FGF2: variants seen among roughly 807,000 people sequenced by gnomAD.
The protein encoded by FGF2 is basic fibroblast growth factor bFGF.
Under a neutral mutation model 15.9 loss-of-function variants are expected in FGF2, and 13 were observed. The ratio of observed to expected loss-of-function variants is 0.82; its 90% CI spans 0.53 to 1.30. The LOEUF is 1.30. FGF2 is among the 50% of genes most tolerant of loss of function. FGF2 has a pLI of 0.00. For missense variants in FGF2, 163 were observed against 196.9 expected (o/e 0.83, Z 1.03); for synonymous variants, 90 against 78.4 (o/e 1.15, Z -0.78).
chr4:122,835,633 C>G (rs903177351), intron 1 of FGF2, among the ~76,000 whole-genome samples: 2 of 152,118 alleles, frequency 1.3e-5, no homozygotes, highest in African/African-American at 4.8e-5. Context: ...GTCTTTGATG[C>G]CTTTCTCTAC....
At position 122,827,267 on chromosome 4, in the gene FGF2, G is replaced by C. The variant is rs771017160; in HGVS notation, c.93G>C (p.Arg31=). 6 of 1,612,610 alleles carry C rather than the reference G, an allele frequency of 3.7e-6. No homozygotes were observed. The highest frequency in any genetic ancestry group is 1.3e-5 in the African/African-American group (1 of 74,896). Residue 31 remains arginine, a synonymous_variant, in exon 1 of 3, where the codon CGG becomes CGC. Coordinates refer to ENST00000644866, the MANE Select transcript of FGF2 (RefSeq NM_001361665.2). The surrounding 1 kb of genome is among the most constrained non-coding windows in gnomAD (Gnocchi z 4.2). ...FPPGHFKDPK[R]LYCKNGGFFL... ...CCGGCCACTTCAAGGACCCCAAGCG[G>C]CTGTACTGCAAAAACGGGGGCTTCT...
At position 122,827,720 on chromosome 4, in the gene FGF2, T is replaced by C. The variant is rs983953095; in HGVS notation, c.178+368T>C. 1.3e-4 allele frequency among the ~76,000 whole-genome samples: 20 copies of C among 152,208 alleles called. No individual in the cohort carries two copies. Among genetic ancestry groups the C allele is most frequent in the African/African-American group, 4.6e-4 (19 of 41,446 alleles). ...CTGGCCGCTTCTATCTGCTGCGTGC[T>C]GTCCCGGGGACAAAGACAGGAAGGA... On this transcript the variant is annotated intron_variant, in intron 1 of 2. Transcript: ENST00000644866. The surrounding 1 kb of genome is among the most constrained non-coding windows in gnomAD (Gnocchi z 4.2).
At position 122,895,147 on chromosome 4, in the gene FGF2, A is replaced by G. The variant is rs1302789222; in HGVS notation, c.*2751A>G. On this transcript the variant is annotated 3_prime_UTR_variant, in exon 3 of 3. Coordinates refer to ENST00000644866, the MANE Select transcript of FGF2 (RefSeq NM_001361665.2). ...ATGCGGGAGACCCTTCCACCTCAAG[A>G]TGGATATTTCTTCCCCAAGGATTTC... 1.3e-5 allele frequency: 2 copies of G among 152,196 alleles called. No individual in the cohort carries two copies. The highest frequency in any genetic ancestry group is 2.9e-5 in the Non-Finnish European group (2 of 68,026). 9.4% of individuals were successfully genotyped at this position (152,196 alleles called of 1,614,324 possible).
intron 1 of FGF2, among the ~76,000 whole-genome samples, chr4:122,863,770 G>A (rs74864526): frequency 1.3e-5 from 2 of 152,152 alleles, no homozygotes; most frequent in Non-Finnish European, 2.9e-5. Context: ...ACACCATAGT[G>A]GGGGCTGGTG....
chr4:122,826,941 A>T lies in FGF2; in HGVS notation c.-234A>T. The T allele has an allele frequency of 1.4e-6, 2 of 1,422,042 alleles. No homozygotes were observed. The highest frequency in any genetic ancestry group is 9.2e-7 in the Non-Finnish European group (1 of 1,082,162). 88.1% of individuals were successfully genotyped at this position (1,422,042 alleles called of 1,614,324 possible). On this transcript the variant is annotated 5_prime_UTR_variant, in exon 1 of 3. Transcript: ENST00000644866. Reference sequence around the variant, plus strand: ...GCGGAGACACCCATCCGTGAACCCCAGGTCCCGGGCCGCCGGCTCGCCGCG... The same window carrying T: ...GCGGAGACACCCATCCGTGAACCCCTGGTCCCGGGCCGCCGGCTCGCCGCG...
In FGF2 at chr4:122,827,491, G is replaced by C; in HGVS notation, c.178+139G>C. On this transcript the variant is annotated intron_variant, in intron 1 of 2. Coordinates refer to ENST00000644866, the MANE Select transcript of FGF2 (RefSeq NM_001361665.2). This position sits in a 1 kb window ranked among gnomAD's most constrained non-coding sequence, Gnocchi z 4.2. ...TGTGGTTTCTGGCCGCGCGGCCCTC[G>C]GCGGTTTCGGGTTCACCACTCACCC... 1 of 979,572 alleles carries C rather than the reference G, an allele frequency of 1.0e-6. No homozygotes were observed. The highest frequency in any genetic ancestry group is 1.6e-6 in the Non-Finnish European group (1 of 644,688). 60.7% of individuals were successfully genotyped at this position (979,572 alleles called of 1,614,324 possible). A position where few individuals can be genotyped will look rare whatever the true frequency, so the allele number is the denominator to read the frequency against.
intron 2 of FGF2, among the ~76,000 whole-genome samples, chr4:122,890,268 T>G (rs1727140181): frequency 6.6e-6 from 1 of 152,204 alleles, no homozygotes; most frequent in African/African-American, 2.4e-5. Flanking sequence ...TGTTTCACTC[T>G]TATCACATTT....
intron 1 of FGF2, among the ~76,000 whole-genome samples, chr4:122,861,483 C>T (rs979681887): frequency 1.3e-5 from 2 of 151,868 alleles, no homozygotes; most frequent in Non-Finnish European, 2.9e-5. Context: ...TCTTTCCTCC[C>T]TTCTTCTCTC....
chr4:122,843,570 G>C (rs1267981669), intron 1 of FGF2, among the ~76,000 whole-genome samples: 1 of 152,154 alleles, frequency 6.6e-6, no homozygotes, highest in Non-Finnish European at 1.5e-5. Flanking sequence ...AATGATTTCA[G>C]TTATCCAATT....
chr4:122,830,971 T>C (rs751918922), intron 1 of FGF2, among the ~76,000 whole-genome samples: 10 of 152,156 alleles, frequency 6.6e-5, no homozygotes, highest in Non-Finnish European at 1.3e-4. Flanking sequence ...CCCACCCCAG[T>C]GTGGAGCAGG....
intron 1 of FGF2, among the ~76,000 whole-genome samples, chr4:122,875,005 T>C (rs948308933): frequency 2.6e-5 from 4 of 152,206 alleles, no homozygotes; most frequent in African/African-American, 9.6e-5. Context: ...GTTTATCTTA[T>C]GATAAGCAGA....
intron 1 of FGF2, among the ~76,000 whole-genome samples, chr4:122,860,138 TC>T (rs1322501663): frequency 6.6e-6 from 1 of 152,200 alleles, no homozygotes; most frequent in African/African-American, 2.4e-5. Flanking sequence ...CCCTTTTAAG[TC>T]TTTTAAAAAT....
At chr4:122,838,293 G>T (rs867095352) in intron 1 of FGF2, among the ~76,000 whole-genome samples, 1 of 152,238 alleles carries the variant, frequency 6.6e-6, no homozygotes, top group South Asian at 2.1e-4. Flanking sequence ...GTAGAGGAAG[G>T]GTCAGGTGTT....
At position 122,828,792 on chromosome 4, in the gene FGF2, A is replaced by G. The variant is rs193234293; in HGVS notation, c.178+1440A>G. On this transcript the variant is annotated intron_variant, in intron 1 of 2. Coordinates refer to ENST00000644866, the MANE Select transcript of FGF2 (RefSeq NM_001361665.2). ...AAAACTGAAAAGATGCTTGTAACCTATTAGATGGGTTAGTGCTAGTTCTCT... is the reference window on the plus strand; with the variant it reads ...AAAACTGAAAAGATGCTTGTAACCTGTTAGATGGGTTAGTGCTAGTTCTCT... Among the ~76,000 whole-genome samples, 5 of 152,286 alleles carry G rather than the reference A, an allele frequency of 3.3e-5. No individual in the cohort carries two copies. The East Asian group carries it at 7.7e-4, about 24-fold the overall frequency.
intron 1 of FGF2, among the ~76,000 whole-genome samples, chr4:122,838,370 G>A (rs967309042): frequency 1.3e-5 from 2 of 152,152 alleles, no homozygotes; most frequent in Non-Finnish European, 2.9e-5. Flanking sequence ...GAATGAATGA[G>A]TGAGTGAAAT....
At chr4:122,854,311 ATT>A (rs1192825958) in intron 1 of FGF2, among the ~76,000 whole-genome samples, 3 of 152,184 alleles carry the variant, frequency 2.0e-5, no homozygotes, top group African/African-American at 7.2e-5. Context: ...AAAACACAAT[ATT>A]TTTGTGAAAC....
At chr4:122,840,048 G>T (rs1340074467) in intron 1 of FGF2, among the ~76,000 whole-genome samples, 1 of 151,950 alleles carries the variant, frequency 6.6e-6, no homozygotes, top group Non-Finnish European at 1.5e-5. Flanking sequence ...TTCTTATAAA[G>T]ACCTCAGTCA....
intron 1 of FGF2, among the ~76,000 whole-genome samples, chr4:122,851,439 A>C (rs887807882): frequency 1.3e-5 from 2 of 152,184 alleles, no homozygotes; most frequent in Non-Finnish European, 2.9e-5. Flanking sequence ...AATCCCAGAA[A>C]AGAGGGTACT....
Position 122,826,955 on chromosome 4 carries a change from C to T in FGF2, c.-220C>T. 7.4e-7 allele frequency: 1 copy of T among 1,346,180 alleles called. No individual in the cohort carries two copies. 83.4% of individuals were successfully genotyped at this position (1,346,180 alleles called of 1,614,324 possible). ...CCGTGAACCCCAGGTCCCGGGCCGCCGGCTCGCCGCGCACCAGGGGCCGGC... is the reference window on the plus strand; with the variant it reads ...CCGTGAACCCCAGGTCCCGGGCCGCTGGCTCGCCGCGCACCAGGGGCCGGC... On this transcript the variant is annotated 5_prime_UTR_variant, in exon 1 of 3. Transcript: ENST00000644866.
Sources: allele counts gnomAD v4.1 joint callset (sites outside exome capture counted in the v4.1 genomes callset), GRCh38; gene constraint gnomAD v4.1.1; non-coding constraint Gnocchi (gnomAD v3.1); transcripts MANE v1.5; gene names NCBI Gene and HGNC (gene_info 2026-07-23, HGNC 2026-07-21).